The following IMMP2L variants were observed in gnomAD, a reference collection of about 807,000 sequenced individuals.
IMMP2L encodes the protein inner mitochondrial membrane peptidase subunit 2, also known as mitochondrial inner membrane protease subunit 2.
IMMP2L carries 18 observed loss-of-function variants against 19.3 expected under a neutral mutation model. The ratio of observed to expected loss-of-function variants is 0.93; its 90% CI spans 0.64 to 1.38. The LOEUF is 1.38. IMMP2L is among the 40% of genes most tolerant of loss of function. The pLI is 0.00. For missense variants in IMMP2L, 233 were observed against 218.2 expected, an observed-to-expected ratio of 1.07 and a Z score of -0.43; for synonymous variants, 76 against 73.0, an observed-to-expected ratio of 1.04 and a Z score of -0.21.
At chr7:111,128,297 T>C (rs10216182) in intron 3 of IMMP2L, among the ~76,000 whole-genome samples, 4,688 of 152,298 alleles carry the variant, frequency 0.031, 246 homozygotes, top group African/African-American at 0.11. Context: ...TTATTTTCTT[T>C]ATCAGTGTTT....
At chr7:111,228,717 T>C (rs1056813910) in intron 3 of IMMP2L, among the ~76,000 whole-genome samples, 3 of 152,054 alleles carry the variant, frequency 2.0e-5, no homozygotes, top group Non-Finnish European at 2.9e-5. Context: ...TTGTCAAAAA[T>C]GCATAAATAT....
intron 3 of IMMP2L, among the ~76,000 whole-genome samples, chr7:111,072,067 T>G (rs1414377704): frequency 6.6e-6 from 1 of 152,098 alleles, no homozygotes; most frequent in African/African-American, 2.4e-5. Context: ...TAAATAATGA[T>G]ACTAATAGCT....
chr7:111,044,902 T>G (rs1792248773), intron 3 of IMMP2L, among the ~76,000 whole-genome samples: 1 of 152,220 alleles, frequency 6.6e-6, no homozygotes, highest in African/African-American at 2.4e-5. Context: ...TATGTTTATT[T>G]ATAATTTATT....
At chr7:111,440,714 C>A (rs2131783735) in intron 3 of IMMP2L, among the ~76,000 whole-genome samples, 1 of 152,000 alleles carries the variant, frequency 6.6e-6, no homozygotes, top group East Asian at 1.9e-4. Flanking sequence ...CAAAGTCAGA[C>A]TGTCCTTCAA....
chr7:110,967,277 A>G (rs981840393), intron 3 of IMMP2L, among the ~76,000 whole-genome samples: 2 of 151,932 alleles, frequency 1.3e-5, no homozygotes, highest in Non-Finnish European at 2.9e-5. Flanking sequence ...ATGTTCCCAA[A>G]AAGTTATAAT....
chr7:111,423,472 ACTT>A (rs1157197026), intron 3 of IMMP2L, among the ~76,000 whole-genome samples: 1 of 151,666 alleles, frequency 6.6e-6, no homozygotes, highest in Non-Finnish European at 1.5e-5. Context: ...GAATTTATCC[ACTT>A]CTTCTAGATT....
intron 3 of IMMP2L, among the ~76,000 whole-genome samples, chr7:111,445,793 T>G (rs1284294827): frequency 1.3e-5 from 2 of 152,026 alleles, no homozygotes; most frequent in African/African-American, 2.4e-5. Flanking sequence ...CCATCTGAGG[T>G]ACCGGGTTCA....
chr7:111,120,214 G>C (rs1229628240), intron 3 of IMMP2L, among the ~76,000 whole-genome samples: 2 of 152,022 alleles, frequency 1.3e-5, no homozygotes, highest in African/African-American at 4.8e-5. Context: ...GCATTAATCC[G>C]TTCTCATGCT....
In IMMP2L at chr7:111,556,882, A is replaced by G. The variant is rs532563549; in HGVS notation, c.-3+4969T>C. Among the ~76,000 whole-genome samples the G allele has an allele frequency of 2.6e-5, 4 of 152,230 alleles. No individual in the cohort carries two copies. The East Asian group carries it at 5.8e-4, about 22-fold the overall frequency. ...GTGATGTTCCAGGATCCTATATCCA[A>G]CTGCCTTCTAGACATCTCACACTTG... On this transcript the variant is annotated intron_variant, in intron 1 of 5. Transcript: ENST00000405709.
At chr7:111,333,837 C>G (rs1471895542) in intron 3 of IMMP2L, among the ~76,000 whole-genome samples, 1 of 152,070 alleles carries the variant, frequency 6.6e-6, no homozygotes, top group Non-Finnish European at 1.5e-5. Context: ...CTTCCTTGCT[C>G]CGCAGCTTGC....
chr7:110,981,124 A>C (rs1821250714), intron 3 of IMMP2L, among the ~76,000 whole-genome samples: 2 of 152,210 alleles, frequency 1.3e-5, no homozygotes, highest in African/African-American at 4.8e-5. Flanking sequence ...AAAATTATAC[A>C]AGCCTTATTG....
intron 3 of IMMP2L, among the ~76,000 whole-genome samples, chr7:111,281,978 T>C (rs138230840): frequency 7.2e-5 from 11 of 152,306 alleles, no homozygotes; most frequent in African/African-American, 2.6e-4. Context: ...TTTTCTTTTT[T>C]TAAAATACAT....
intron 5 of IMMP2L, among the ~76,000 whole-genome samples, chr7:110,808,939 C>T (rs1462274334): frequency 1.3e-5 from 2 of 152,022 alleles, no homozygotes; most frequent in South Asian, 2.1e-4. Context: ...TAGGTTTCCT[C>T]GGAAATATGC....
intron 3 of IMMP2L, among the ~76,000 whole-genome samples, chr7:111,068,418 A>T (rs939008669): frequency 2.0e-5 from 3 of 152,164 alleles, no homozygotes; most frequent in Non-Finnish European, 4.4e-5. Flanking sequence ...GAAACAAGTG[A>T]TTGGTCTTCA....
intron 3 of IMMP2L, among the ~76,000 whole-genome samples, chr7:111,017,019 CATT>C (rs1825775900): frequency 7.6e-6 from 1 of 132,188 alleles, no homozygotes; most frequent in African/African-American, 2.9e-5. Flanking sequence ...ACATTATAGT[CATT>C]ATACTCAACA....
intron 3 of IMMP2L, among the ~76,000 whole-genome samples, chr7:111,448,150 G>A (rs1178384194): frequency 3.8e-5 from 5 of 132,566 alleles, no homozygotes; most frequent in East Asian, 2.0e-4. Flanking sequence ...ACAGATGAAC[G>A]AGACAGAAAG....
Position 111,194,001 on chromosome 7 carries a change from C to A in IMMP2L, c.240-230436G>T, listed in dbSNP as rs533791114. On this transcript the variant is annotated intron_variant, in intron 3 of 5. Coordinates refer to ENST00000405709, the MANE Select transcript of IMMP2L (RefSeq NM_032549.4). ...CTTTTAGACCAGTCCACTTTTAACT[C>A]AGTATTCCAGAGGCCAAACTACTTA... 1.6e-4 allele frequency among the ~76,000 whole-genome samples: 25 copies of A among 152,246 alleles called. No homozygotes were observed. In the East Asian group the frequency reaches 3.9e-3, roughly 23 times the overall value.
intron 3 of IMMP2L, among the ~76,000 whole-genome samples, chr7:111,314,332 T>C (rs1823824025): frequency 2.0e-5 from 3 of 152,226 alleles, no homozygotes; most frequent in Middle Eastern, 3.4e-3. Context: ...GAAAGTAGAA[T>C]TGTATATAAT....
intron 3 of IMMP2L, among the ~76,000 whole-genome samples, chr7:110,971,228 A>C (rs906985200): frequency 6.6e-5 from 10 of 152,144 alleles, no homozygotes; most frequent in African/African-American, 2.4e-4. Context: ...GTTTGCCATG[A>C]TATCAGTGAT....
Sources: allele counts gnomAD v4.1 joint callset (sites outside exome capture counted in the v4.1 genomes callset), GRCh38; gene constraint gnomAD v4.1.1; transcripts MANE v1.5; gene names NCBI Gene and HGNC (gene_info 2026-07-23, HGNC 2026-07-21).